Variants in NELL1 observed in about 807,000 individuals in gnomAD.
The protein encoded by NELL1 is neural EGFL like 1.
A neutral mutation model predicts 107.4 loss-of-function variants in NELL1; 76 were observed. That is an observed-to-expected ratio of 0.71 (90% confidence interval 0.59 to 0.86). The LOEUF (loss-of-function observed/expected upper bound fraction) is 0.86, where lower values mean the gene tolerates loss of function less well. Among genes scored for constraint, NELL1 ranks in the 40% least tolerant of loss-of-function variants. The pLI, the probability that NELL1 is intolerant of heterozygous loss-of-function variation, is 0.00. For synonymous variants in NELL1, 353 were observed against 341.2 expected (o/e 1.03, Z -0.38); for missense variants, 1,024 against 1,005.5 (o/e 1.02, Z -0.25).
chr11:20,901,057 G>A (rs1466069299), intron 5 of NELL1, among the ~76,000 whole-genome samples: 3 of 151,956 alleles, frequency 2.0e-5, no homozygotes, highest in Non-Finnish European at 1.5e-5. Context: ...GTTAAAATCA[G>A]GAACCACACA....
rs955304549 is a variant in NELL1, at chr11:20,860,019, A to G, written c.506+12266A>G. On this transcript the variant is annotated intron_variant, in intron 4 of 19. Transcript: ENST00000357134. ...AGCTTACAAAAATTGTGTATAGTCT[A>G]GTCCACGTTTCCTTCTGTAGTTTCT... Among the ~76,000 whole-genome samples the G allele has an allele frequency of 4.6e-5, 7 of 152,204 alleles. No individual in the cohort carries two copies. In the East Asian group the frequency reaches 1.3e-3, roughly 29 times the overall value.
rs1308981791 is a variant in NELL1 at position 20,795,370 on chromosome 11, TATTA to T, written c.335+11544_335+11547del. Among the ~76,000 whole-genome samples the T allele has an allele frequency of 1.0e-4, 16 of 152,384 alleles. No individual in the cohort carries two copies. In the East Asian group the frequency reaches 3.1e-3, roughly 29 times the overall value. On this transcript the variant is annotated intron_variant, in intron 3 of 19. Coordinates refer to ENST00000357134, the MANE Select transcript of NELL1 (RefSeq NM_006157.5). ...TTATGTAATGGAATGGGTACTCTGT[TATTA>T]ATTCCAATGTATATTTCTAATGTGA...
At chr11:21,274,319 T>G (rs780502507) in intron 14 of NELL1, among the ~76,000 whole-genome samples, 3 of 151,958 alleles carry the variant, frequency 2.0e-5, no homozygotes, top group Non-Finnish European at 4.4e-5. Context: ...TACATAATGG[T>G]AAAAGGATCA....
chr11:20,829,223 ATTTTTTTT>A (rs758970966), intron 3 of NELL1, among the ~76,000 whole-genome samples: 4 of 118,900 alleles, frequency 3.4e-5, no homozygotes, highest in African/African-American at 9.9e-5. Context: ...CTGCAGGACT[ATTTTTTTT>A]TTTTTTTTTT....
chr11:21,450,337 C>T (rs1185677580), intron 15 of NELL1, among the ~76,000 whole-genome samples: 1 of 152,128 alleles, frequency 6.6e-6, no homozygotes, highest in Non-Finnish European at 1.5e-5. Context: ...AAGTCTTAAA[C>T]AGCGGAAAAC....
intron 3 of NELL1, among the ~76,000 whole-genome samples, chr11:20,787,391 A>T (rs187217685): frequency 6.6e-6 from 1 of 152,334 alleles, no homozygotes; most frequent in Non-Finnish European, 1.5e-5. Context: ...TCCCCTCGCC[A>T]AATGTTCCCA....
intron 3 of NELL1, among the ~76,000 whole-genome samples, chr11:20,809,260 G>A (rs1211089726): frequency 6.6e-6 from 1 of 152,076 alleles, no homozygotes; most frequent in Non-Finnish European, 1.5e-5. Flanking sequence ...GCACATAATT[G>A]TACATATTTA....
At chr11:21,456,514 TA>T (rs1193196043) in intron 15 of NELL1, among the ~76,000 whole-genome samples, 2 of 152,136 alleles carry the variant, frequency 1.3e-5, no homozygotes, top group African/African-American at 2.4e-5. Flanking sequence ...GGGATTTTAT[TA>T]TTTTTTTGTT....
At chr11:21,083,188 A>G (rs1854309426) in intron 12 of NELL1, among the ~76,000 whole-genome samples, 1 of 152,184 alleles carries the variant, frequency 6.6e-6, no homozygotes. Flanking sequence ...GGTAAAAAAT[A>G]TCAAAGGTGT....
At chr11:21,089,575 T>C (rs1854475533) in intron 12 of NELL1, among the ~76,000 whole-genome samples, 1 of 152,170 alleles carries the variant, frequency 6.6e-6, no homozygotes, top group Admixed American at 6.5e-5. Context: ...AAGACAAAAT[T>C]AACAAAGGCT....
chr11:21,543,463 C>T (rs1046846562), intron 16 of NELL1, among the ~76,000 whole-genome samples: 1 of 151,906 alleles, frequency 6.6e-6, no homozygotes, highest in Non-Finnish European at 1.5e-5. Context: ...CCAGACACCA[C>T]CTCAGTATGG....
chr11:21,569,154 C>T (rs763656376), intron 17 of NELL1, among the ~76,000 whole-genome samples: 1 of 151,636 alleles, frequency 6.6e-6, no homozygotes, highest in Non-Finnish European at 1.5e-5. Flanking sequence ...TATAAGACCA[C>T]CTTTTGTATG....
At chr11:21,088,059 CTGTGTG>C (rs56900585) in intron 12 of NELL1, among the ~76,000 whole-genome samples, 4,973 of 136,020 alleles carry the variant, frequency 0.037, 188 homozygotes, top group African/African-American at 0.1. Context: ...CCCAGTAGCT[CTGTGTG>C]TGTGTGTGTG....
At chr11:20,803,747 T>G (rs1179082304) in intron 3 of NELL1, among the ~76,000 whole-genome samples, 1 of 152,174 alleles carries the variant, frequency 6.6e-6, no homozygotes. Context: ...ATCCTGGGTG[T>G]GTCTATGAGG....
At chr11:21,067,920 C>T (rs939612148) in intron 12 of NELL1, among the ~76,000 whole-genome samples, 1 of 148,268 alleles carries the variant, frequency 6.7e-6, no homozygotes, top group African/African-American at 2.5e-5. Flanking sequence ...GCAATCCCAG[C>T]TACCTGGGAG....
intron 15 of NELL1, among the ~76,000 whole-genome samples, chr11:21,525,706 G>A (rs969003553): frequency 6.6e-6 from 1 of 152,182 alleles, no homozygotes; most frequent in Admixed American, 6.5e-5. Context: ...CATGGCAGAA[G>A]GTGAATGAGA....
At chr11:21,245,449 T>A (rs1165074796) in intron 14 of NELL1, among the ~76,000 whole-genome samples, 1 of 152,192 alleles carries the variant, frequency 6.6e-6, no homozygotes, top group Admixed American at 6.5e-5. Flanking sequence ...TGTCCTCAGT[T>A]GGAAGGAAAT....
At chr11:21,482,991 T>A (rs900128118) in intron 15 of NELL1, among the ~76,000 whole-genome samples, 1 of 152,070 alleles carries the variant, frequency 6.6e-6, no homozygotes, top group Admixed American at 6.6e-5. Context: ...CTCTATAATT[T>A]TTTTTTTCTT....
intron 12 of NELL1, among the ~76,000 whole-genome samples, chr11:21,084,586 G>C (rs1246034799): frequency 5.3e-5 from 8 of 152,108 alleles, no homozygotes; most frequent in Non-Finnish European, 1.2e-4. Context: ...TGAAATGGTG[G>C]TTTGCAGGGC....
Sources: allele counts gnomAD v4.1 joint callset (sites outside exome capture counted in the v4.1 genomes callset), GRCh38; gene constraint gnomAD v4.1.1; transcripts MANE v1.5; gene names NCBI Gene and HGNC (gene_info 2026-07-23, HGNC 2026-07-21).